Variants in PBX4 observed in about 807,000 individuals in gnomAD.
The protein encoded by PBX4 is PBX homeobox 4, also known as pre-B-cell leukemia transcription factor 4.
In PBX4, 26 loss-of-function variants were observed where a neutral mutation model predicts 35.1. That is an observed-to-expected ratio of 0.74 (90% CI 0.54 to 1.03). PBX4 has a LOEUF of 1.03. Ranked by LOEUF, PBX4 falls within the 50% of genes least tolerant of loss-of-function variation. The pLI is 0.00. For synonymous variants in PBX4, 199 were observed against 204.2 expected, an observed-to-expected ratio of 0.97 and a Z score of 0.22; for missense variants, 448 against 504.3, an observed-to-expected ratio of 0.89 and a Z score of 1.07.
intron 2 of PBX4, among the ~76,000 whole-genome samples, chr19:19,572,854 CA>C (rs36044843): frequency 0.073 from 5,120 of 70,108 alleles, 114 homozygotes; most frequent in African/African-American, 0.2. Context: ...GACTCCGTCT[CA>C]AAAAAAAAAA....
At chr19:19,569,407 C>G (rs754191230) in intron 5 of PBX4, 42 bp downstream of exon 5, 17 of 1,579,978 alleles carry the variant, frequency 1.1e-5, no homozygotes, top group Non-Finnish European at 1.5e-5. Flanking sequence ...TAGTCATCCA[C>G]TCCTCCCAGG....
chr19:19,605,244 C>T (rs913546243), intron 1 of PBX4, among the ~76,000 whole-genome samples: 2 of 150,454 alleles, frequency 1.3e-5, no homozygotes, highest in Non-Finnish European at 3.0e-5. Flanking sequence ...GGTGAAACCC[C>T]GTCTCTACTA....
chr19:19,580,649 G>T (rs1174021980), intron 2 of PBX4, among the ~76,000 whole-genome samples: 3 of 152,262 alleles, frequency 2.0e-5, no homozygotes, highest in Non-Finnish European at 4.4e-5. Flanking sequence ...ACTTTCATTT[G>T]TAGTGAGAGT....
chr19:19,589,933 C>T (rs941748525), intron 2 of PBX4, among the ~76,000 whole-genome samples: 4 of 152,048 alleles, frequency 2.6e-5, no homozygotes, highest in African/African-American at 9.7e-5. Context: ...AGACAGTTTC[C>T]GTCAGTGGTT....
chr19:19,579,914 A>G (rs1489873077), intron 2 of PBX4: 1 of 152,300 alleles, frequency 6.6e-6, no homozygotes, highest in Non-Finnish European at 1.5e-5. Context: ...CAATCAATCG[A>G]TCGTGGAGGC....
intron 1 of PBX4, among the ~76,000 whole-genome samples, chr19:19,606,035 A>C (rs1373496949): frequency 1.3e-5 from 2 of 152,180 alleles, no homozygotes; most frequent in African/African-American, 4.8e-5. Context: ...CAAATCAGTG[A>C]GGAAAAGGGG....
At chr19:19,600,585 G>A (rs189033209) in intron 1 of PBX4, among the ~76,000 whole-genome samples, 21 of 151,908 alleles carry the variant, frequency 1.4e-4, no homozygotes, top group South Asian at 8.3e-4. Context: ...TTGGGCGGCC[G>A]AGGCGGATGG....
chr19:19,580,190 G>C (rs964651323), intron 2 of PBX4, among the ~76,000 whole-genome samples: 3 of 152,224 alleles, frequency 2.0e-5, no homozygotes, highest in African/African-American at 7.2e-5. Flanking sequence ...CACCGTGTCT[G>C]GAACTGACAG....
intron 5 of PBX4, among the ~76,000 whole-genome samples, chr19:19,567,989 A>G (rs1273922975): frequency 6.7e-6 from 1 of 149,266 alleles, no homozygotes; most frequent in Non-Finnish European, 1.5e-5. Flanking sequence ...CAGGGAGCTC[A>G]CACTCCACCT....
At chr19:19,581,589 C>T (rs779566802) in intron 2 of PBX4, among the ~76,000 whole-genome samples, 4 of 152,164 alleles carry the variant, frequency 2.6e-5, no homozygotes, top group African/African-American at 7.2e-5. Flanking sequence ...CAGGGCAGAG[C>T]GCCTGCTCCA....
intron 2 of PBX4, among the ~76,000 whole-genome samples, chr19:19,584,817 G>T (rs1324835296): frequency 1.2e-4 from 18 of 151,680 alleles, no homozygotes; most frequent in Non-Finnish European, 1.9e-4. Flanking sequence ...GTAGAGATGG[G>T]GTTTCACTAT....
At chr19:19,586,161 C>A (rs34424437) in intron 2 of PBX4, among the ~76,000 whole-genome samples, 28,057 of 152,026 alleles carry the variant, frequency 0.18, 3,224 homozygotes, top group East Asian at 0.29. Flanking sequence ...TGCCTGTAAT[C>A]CTAGCACTTT....
chr19:19,579,562 G>A (rs1255591663), intron 2 of PBX4, among the ~76,000 whole-genome samples: 2 of 152,222 alleles, frequency 1.3e-5, no homozygotes, highest in African/African-American at 2.4e-5. Context: ...GCAGCGGGCT[G>A]TGCTCCCGCC....
intron 2 of PBX4, among the ~76,000 whole-genome samples, chr19:19,586,846 G>A (rs1021581041): frequency 7.9e-5 from 12 of 151,514 alleles, no homozygotes; most frequent in Non-Finnish European, 1.3e-4. Flanking sequence ...CAGGAGAATC[G>A]TTTGAACCCA....
Position 19,569,461 on chromosome 19 carries a change from G to T in PBX4, c.756C>A (p.Leu252=). ...GAGAGAACGTCACCTGGGAGATGGT[G>T]AGGCCGCCCTTCCTGGCCAGCTCTT... ...AKEELARKGG[L]TISQVSNWFG... The change falls in exon 5 of 8, where the codon CTC becomes CTA. Residue 252 remains leucine, a synonymous_variant. Transcript: ENST00000251203. The T allele has an allele frequency of 6.2e-7, 1 of 1,611,970 alleles. No individual in the cohort carries two copies. The highest frequency in any genetic ancestry group is 1.7e-4 in the Middle Eastern group (1 of 6,030).
intron 2 of PBX4, among the ~76,000 whole-genome samples, chr19:19,583,762 C>G: frequency 6.6e-6 from 1 of 151,972 alleles, no homozygotes; most frequent in East Asian, 1.9e-4. Context: ...ACCAGCCTGG[C>G]CAACATAGTG....
intron 2 of PBX4, among the ~76,000 whole-genome samples, chr19:19,575,361 G>A (rs2061413445): frequency 6.6e-6 from 1 of 151,960 alleles, no homozygotes; most frequent in Non-Finnish European, 1.5e-5. Flanking sequence ...GGGCCTTACA[G>A]ATCTGGGTGA....
At chr19:19,595,171 G>A (rs1302384944) in intron 2 of PBX4, among the ~76,000 whole-genome samples, 7 of 152,232 alleles carry the variant, frequency 4.6e-5, no homozygotes, top group Non-Finnish European at 8.8e-5. Flanking sequence ...TGGGCTGCCT[G>A]TGCCTATTGG....
intron 1 of PBX4, among the ~76,000 whole-genome samples, chr19:19,609,906 G>A (rs1165362378): frequency 2.0e-5 from 3 of 152,100 alleles, no homozygotes; most frequent in African/African-American, 7.2e-5. Context: ...CACTTCCTAG[G>A]GTTCTGGGGA....
Sources: allele counts gnomAD v4.1 joint callset (sites outside exome capture counted in the v4.1 genomes callset), GRCh38; gene constraint gnomAD v4.1.1; transcripts MANE v1.5; gene names NCBI Gene and HGNC (gene_info 2026-07-23, HGNC 2026-07-21).